SPIN1: variants seen among roughly 807,000 people sequenced by gnomAD.
The protein encoded by SPIN1 is spindlin-1.
A neutral mutation model predicts 26.0 loss-of-function variants in SPIN1; 3 were observed. The ratio of observed to expected loss-of-function variants is 0.12; its 90% CI spans 0.05 to 0.30. The LOEUF is 0.30. Ranked by LOEUF, SPIN1 falls within the 10% of genes least tolerant of loss-of-function variation. SPIN1 has a pLI of 1.00. For missense variants in SPIN1, 126 were observed against 333.4 expected (o/e 0.38, Z 4.84); for synonymous variants, 101 against 116.5 (o/e 0.87, Z 0.86).
intron 2 of SPIN1, among the ~76,000 whole-genome samples, chr9:88,447,623 A>G (rs976867188): frequency 1.3e-5 from 2 of 152,152 alleles, no homozygotes; most frequent in African/African-American, 2.4e-5. Context: ...GACTTCTCAG[A>G]ATTATGTGCA....
At chr9:88,450,060 T>TG (rs1275122512) in intron 3 of SPIN1, among the ~76,000 whole-genome samples, 1 of 152,210 alleles carries the variant, frequency 6.6e-6, no homozygotes, top group Non-Finnish European at 1.5e-5. Context: ...AAAGTAAAAA[T>TG]GTGAAGGTAA....
chr9:88,407,696 AT>A (rs529848405), intron 1 of SPIN1, among the ~76,000 whole-genome samples: 3,855 of 138,862 alleles, frequency 0.028, 147 homozygotes, highest in African/African-American at 0.089. Flanking sequence ...TTCAGTTTTC[AT>A]TTTTTTTTTT....
intron 2 of SPIN1, among the ~76,000 whole-genome samples, chr9:88,445,518 T>TTTATTATTATTA (rs138265190): frequency 1.8e-3 from 241 of 134,598 alleles, no homozygotes; most frequent in East Asian, 4.0e-3. Flanking sequence ...TATTGAGACT[T>TTTATTATTATTA]TTATTATTAT....
intron 2 of SPIN1, among the ~76,000 whole-genome samples, chr9:88,435,771 G>A (rs1457506696): frequency 1.3e-5 from 2 of 152,144 alleles, no homozygotes; most frequent in Non-Finnish European, 2.9e-5. Flanking sequence ...CTTGGAAACA[G>A]CCTTTCTTGA....
At chr9:88,400,023 T>C (rs1827153190) in intron 1 of SPIN1, among the ~76,000 whole-genome samples, 1 of 152,194 alleles carries the variant, frequency 6.6e-6, no homozygotes, top group Admixed American at 6.5e-5. Flanking sequence ...AATGCTGCTC[T>C]GCTGCCTTTC....
At chr9:88,467,845 T>TAAA (rs755421414) in intron 4 of SPIN1, among the ~76,000 whole-genome samples, 9 of 132,380 alleles carry the variant, frequency 6.8e-5, no homozygotes, top group African/African-American at 2.5e-4. Flanking sequence ...CCAATTTCTT[T>TAAA]AAAAAAAAAA....
chr9:88,455,428 C>T (rs1028998348), intron 3 of SPIN1, among the ~76,000 whole-genome samples: 5 of 152,198 alleles, frequency 3.3e-5, no homozygotes, highest in African/African-American at 1.2e-4. Flanking sequence ...TGCACTTCAG[C>T]CTGTGCAGCA....
intron 3 of SPIN1, among the ~76,000 whole-genome samples, chr9:88,452,476 A>AT (rs1484823600): frequency 1.3e-5 from 2 of 152,216 alleles, no homozygotes. Context: ...CATGGTGTAT[A>AT]CAGTCTTAAG....
chr9:88,475,241 C>T lies in SPIN1; in HGVS notation c.753C>T (p.Phe251=). 6.2e-7 allele frequency: 1 copy of T among 1,613,784 alleles called. No homozygotes were observed. The highest frequency in any genetic ancestry group is 1.3e-5 in the African/African-American group (1 of 74,956). The change falls in exon 6 of 6, where the codon TTC becomes TTT. Residue 251 remains phenylalanine, a synonymous_variant. Coordinates refer to ENST00000375859, the MANE Select transcript of SPIN1 (RefSeq NM_006717.3). ...ATTTCATCAAGTTTGATGATGATTT[C>T]CATATTTATGTCTACGATTTGGTGA... The part of the protein sequence containing the change: ...SVYFIKFDDD[F]HIYVYDLVKT...
intron 1 of SPIN1, among the ~76,000 whole-genome samples, chr9:88,391,088 G>T (rs1005821879): frequency 6.6e-6 from 1 of 152,022 alleles, no homozygotes; most frequent in African/African-American, 2.4e-5. Flanking sequence ...ACTGACTTCA[G>T]GCTTCTAACA....
intron 2 of SPIN1, among the ~76,000 whole-genome samples, chr9:88,437,211 C>CT (rs1473199023): frequency 6.6e-6 from 1 of 152,006 alleles, no homozygotes; most frequent in African/African-American, 2.4e-5. Context: ...AATAAAGCTG[C>CT]TATAGGCCGG....
chr9:88,441,427 G>C (rs568823149), intron 2 of SPIN1, among the ~76,000 whole-genome samples: 2 of 148,756 alleles, frequency 1.3e-5, no homozygotes, highest in Non-Finnish European at 3.0e-5. Flanking sequence ...GCGCGCGCGC[G>C]CCCATGTGTG....
intron 1 of SPIN1, among the ~76,000 whole-genome samples, chr9:88,417,766 C>G (rs747162400): frequency 6.6e-6 from 1 of 152,176 alleles, no homozygotes; most frequent in African/African-American, 2.4e-5. Context: ...GCCACCACAC[C>G]CCAGCCAAGT....
intron 1 of SPIN1, chr9:88,411,464 G>A: frequency 8.4e-7 from 1 of 1,188,286 alleles, no homozygotes; most frequent in Non-Finnish European, 1.2e-6. Context: ...ACTTAGACAT[G>A]ATGGCATGGA....
chr9:88,421,677 C>T (rs938296792), intron 1 of SPIN1, among the ~76,000 whole-genome samples: 1 of 139,818 alleles, frequency 7.2e-6, no homozygotes, highest in Non-Finnish European at 1.5e-5. Context: ...AGTCTTTAGT[C>T]TCTTTTAGTC....
chr9:88,407,892 T>C (rs11142285), intron 1 of SPIN1, among the ~76,000 whole-genome samples: 29,024 of 151,374 alleles, frequency 0.19, 3,661 homozygotes, highest in African/African-American at 0.36. Flanking sequence ...TCTTGAGCAG[T>C]TGAGACCACA....
Position 88,402,677 on chromosome 9 carries a change from T to C in SPIN1, c.-159+14139T>C, listed in dbSNP as rs192680087. Among the ~76,000 whole-genome samples the C allele has an allele frequency of 1.2e-4, 19 of 152,326 alleles. No homozygotes were observed. The East Asian group carries it at 3.7e-3, about 29-fold the overall frequency. The stretch of plus-strand genomic sequence containing the variant: ...TGGCTGAATAGCATTCCATTGTGTA[T>C]ACATGCCACGTTTTCTTTATCTCTC... On this transcript the variant is annotated intron_variant, in intron 1 of 5. Coordinates refer to ENST00000375859, the MANE Select transcript of SPIN1 (RefSeq NM_006717.3).
intron 2 of SPIN1, among the ~76,000 whole-genome samples, chr9:88,427,125 T>C (rs576554504): frequency 2.0e-5 from 3 of 152,324 alleles, no homozygotes; most frequent in Non-Finnish European, 2.9e-5. Context: ...CAAAATCTTA[T>C]AGAATACCCT....
At chr9:88,418,884 A>G (rs1031166879) in intron 1 of SPIN1, 1 of 152,200 alleles carries the variant, frequency 6.6e-6, no homozygotes. Flanking sequence ...GTTATAGTGC[A>G]TATCTTCCTC....
Sources: allele counts gnomAD v4.1 joint callset (sites outside exome capture counted in the v4.1 genomes callset), GRCh38; gene constraint gnomAD v4.1.1; transcripts MANE v1.5; gene names NCBI Gene and HGNC (gene_info 2026-07-23, HGNC 2026-07-21).